The following DPYSL2 variants were observed in gnomAD, a reference collection of about 807,000 sequenced individuals.
DPYSL2 encodes the protein dihydropyrimidinase like 2.
In DPYSL2, 13 loss-of-function variants were observed where a neutral mutation model predicts 69.9. The ratio of observed to expected loss-of-function variants is 0.19; its 90% CI spans 0.12 to 0.30. DPYSL2 has a LOEUF of 0.30. Among genes scored for constraint, DPYSL2 ranks in the 10% least tolerant of loss-of-function variants. The pLI is 1.00. For synonymous variants in DPYSL2, 326 were observed against 359.1 expected (o/e 0.91, Z 1.04); for missense variants, 587 against 918.9 (o/e 0.64, Z 4.67).
At chr8:26,578,994 G>A (rs1801424534) in intron 1 of DPYSL2, among the ~76,000 whole-genome samples, 1 of 152,226 alleles carries the variant, frequency 6.6e-6, no homozygotes, top group South Asian at 2.1e-4. Flanking sequence ...TTCGGGGCTG[G>A]GGCCCTGGCG....
chr8:26,578,245 C>G, intron 1 of DPYSL2: 3 of 1,614,032 alleles, frequency 1.9e-6, no homozygotes, highest in Non-Finnish European at 1.7e-6. Flanking sequence ...AATTTTTTCC[C>G]AGGAGAGAGA....
rs895418875 is a variant in DPYSL2, at chr8:26,580,387, C to T, written c.355-1582C>T. 3.3e-5 allele frequency among the ~76,000 whole-genome samples: 5 copies of T among 152,128 alleles called. No homozygotes were observed. Among genetic ancestry groups the T allele is most frequent in the Non-Finnish European group, 5.9e-5 (4 of 68,018 alleles). The stretch of plus-strand genomic sequence containing the variant: ...CCTCATCTACCTCACAGATTTCTTT[C>T]GAGGCTCTGATGTCATGATGTGCAC... On this transcript the variant is annotated intron_variant, in intron 1 of 13. Coordinates refer to ENST00000521913, the MANE Select transcript of DPYSL2 (RefSeq NM_001197293.3). This position sits in a 1 kb window ranked among gnomAD's most constrained non-coding sequence, Gnocchi z 4.1.
chr8:26,615,053 C>T (rs1563410460), intron 3 of DPYSL2, among the ~76,000 whole-genome samples: 1 of 152,230 alleles, frequency 6.6e-6, no homozygotes, highest in Non-Finnish European at 1.5e-5. Context: ...AAGAGCCTTA[C>T]CTGCCAGAGG....
Position 26,653,994 on chromosome 8 carries a change from A to G in DPYSL2, c.1942+597A>G, listed in dbSNP as rs1400508459. ...GACATTTGTTCAATTTATTAGGTCC[A>G]TCATAAGAAAGGACACTGTGGTATT... On this transcript the variant is annotated intron_variant, in intron 13 of 13. Transcript: ENST00000521913. The surrounding 1 kb of genome is among the most constrained non-coding windows in gnomAD (Gnocchi z 5.7). 6.6e-6 allele frequency among the ~76,000 whole-genome samples: 1 copy of G among 152,238 alleles called. No individual in the cohort carries two copies. Among genetic ancestry groups the G allele is most frequent in the Non-Finnish European group, 1.5e-5 (1 of 68,050 alleles).
rs186203661 is a variant in DPYSL2, at chr8:26,584,987, T to A, written c.628+1004T>A. Reference sequence around the variant, plus strand: ...CACTGTGACACAGCACACATAATATTAAGAGTTTGCTTGTGAACTGCTAGA... The same window carrying A: ...CACTGTGACACAGCACACATAATATAAAGAGTTTGCTTGTGAACTGCTAGA... On this transcript the variant is annotated intron_variant, in intron 3 of 13. Coordinates refer to ENST00000521913, the MANE Select transcript of DPYSL2 (RefSeq NM_001197293.3). 5.9e-4 allele frequency among the ~76,000 whole-genome samples: 90 copies of A among 152,254 alleles called. 1 individual carries two copies. Among genetic ancestry groups the A allele is most frequent in the African/African-American group, 2.1e-3 (88 of 41,552 alleles).
chr8:26,573,666 CAAAA>C (rs11437407), intron 1 of DPYSL2, among the ~76,000 whole-genome samples: 5 of 95,126 alleles, frequency 5.3e-5, no homozygotes, highest in African/African-American at 8.7e-5. Flanking sequence ...AAGACTGTCT[CAAAA>C]AAAAAAAAAA....
At chr8:26,600,870 T>G (rs1365619959) in intron 3 of DPYSL2, among the ~76,000 whole-genome samples, 4 of 152,220 alleles carry the variant, frequency 2.6e-5, no homozygotes, top group Admixed American at 2.0e-4. Context: ...TAAATCCTGT[T>G]TTGCTCCCTT....
In DPYSL2 at chr8:26,627,727, C is replaced by G. The variant is rs566412710; in HGVS notation, c.937-145C>G. On this transcript the variant is annotated intron_variant, in intron 6 of 13. Coordinates refer to ENST00000521913, the MANE Select transcript of DPYSL2 (RefSeq NM_001197293.3). This position sits in a 1 kb window ranked among gnomAD's most constrained non-coding sequence, Gnocchi z 6.9. ...TGGGAACAGGGCAGTGAACCCTTCT[C>G]TTCATGAGGTCTTGGGATGAGGGCA... 2.5e-4 allele frequency: 196 copies of G among 788,264 alleles called. 1 individual carries two copies. The highest frequency in any genetic ancestry group is 2.0e-3 in the African/African-American group (117 of 58,944). The allele number at this position is 788,264 out of a possible 1,614,324, so 48.8% of individuals were successfully genotyped here.
At chr8:26,622,045 C>T (rs1802492225) in intron 3 of DPYSL2, among the ~76,000 whole-genome samples, 1 of 152,084 alleles carries the variant, frequency 6.6e-6, no homozygotes, top group Non-Finnish European at 1.5e-5. Context: ...CTGATTGCTA[C>T]ACAGTGATAT....
Position 26,532,715 on chromosome 8 carries a change from G to A in DPYSL2, c.354+18036G>A, listed in dbSNP as rs75156351. Among the ~76,000 whole-genome samples, 824 of 152,140 alleles carry A rather than the reference G, an allele frequency of 5.4e-3. 5 individuals carry two copies. Among genetic ancestry groups the A allele is most frequent in the African/African-American group, 0.019 (769 of 41,488 alleles). ...ATGTATCAGTACTTTGTTCCTTTTC[G>A]TGGTGAATGAAATTCCATTGTATGG... On this transcript the variant is annotated intron_variant, in intron 1 of 13. Transcript: ENST00000521913.
intron 1 of DPYSL2, among the ~76,000 whole-genome samples, chr8:26,519,834 A>G (rs1178468911): frequency 6.6e-6 from 1 of 151,758 alleles, no homozygotes; most frequent in East Asian, 1.9e-4. Context: ...GGTGTAGGTC[A>G]TGTGCTAAAT....
chr8:26,585,558 C>T lies in DPYSL2; in HGVS notation c.628+1575C>T, dbSNP rs900032439. Among the ~76,000 whole-genome samples the T allele has an allele frequency of 1.3e-5, 2 of 151,962 alleles. No homozygotes were observed. Among genetic ancestry groups the T allele is most frequent in the Admixed American group, 6.6e-5 (1 of 15,254 alleles). ...AGTGGGTGCCATTTTCCAGGGATGT[C>T]GGGGGGAGATTTCATGCACACCTAG... On this transcript the variant is annotated intron_variant, in intron 3 of 13. Transcript: ENST00000521913. This position sits in a 1 kb window ranked among gnomAD's most constrained non-coding sequence, Gnocchi z 4.0.
Position 26,653,174 on chromosome 8 carries a change from C to G in DPYSL2, c.1777-58C>G. ...GCCCATCCTCCCTCCAGGAGGGTTT[C>G]TAGAGAGGTATCCTCTGTGGCTGTG... On this transcript the variant is annotated intron_variant, in intron 12 of 13. Coordinates refer to ENST00000521913, the MANE Select transcript of DPYSL2 (RefSeq NM_001197293.3). The surrounding 1 kb of genome is among the most constrained non-coding windows in gnomAD (Gnocchi z 5.7). 6.3e-7 allele frequency: 1 copy of G among 1,577,906 alleles called. No homozygotes were observed. The highest frequency in any genetic ancestry group is 8.6e-7 in the Non-Finnish European group (1 of 1,159,172).
rs773229340 is a variant in DPYSL2 at position 26,514,716 on chromosome 8, G to A, written c.354+37G>A. 16 of 1,341,626 alleles carry A rather than the reference G, an allele frequency of 1.2e-5. 1 individual carries two copies. In the South Asian group the frequency reaches 2.2e-4, roughly 18 times the overall value. 83.1% of individuals were successfully genotyped at this position (1,341,626 alleles called of 1,614,324 possible). ...GGTTGGGGGTGGAGACGGAGGACGG[G>A]GCGCGGGGATCGCCCCTCCCTCGCC... is the stretch of plus-strand genomic sequence containing the variant. On this transcript the variant is annotated intron_variant, in intron 1 of 13. Coordinates refer to ENST00000521913, the MANE Select transcript of DPYSL2 (RefSeq NM_001197293.3). This position sits in a 1 kb window ranked among gnomAD's most constrained non-coding sequence, Gnocchi z 8.4.
chr8:26,544,077 A>G (rs1423713473), intron 1 of DPYSL2, among the ~76,000 whole-genome samples: 6 of 152,264 alleles, frequency 3.9e-5, no homozygotes, highest in Admixed American at 2.0e-4. Flanking sequence ...AGTCTTTTCT[A>G]TGAATTTTAA....
intron 1 of DPYSL2, among the ~76,000 whole-genome samples, chr8:26,569,267 T>C (rs1320030553): frequency 6.7e-6 from 1 of 148,974 alleles, no homozygotes; most frequent in Non-Finnish European, 1.5e-5. Context: ...CTGAGGCAGA[T>C]CGCTTGAGCC....
rs1802443052 is a variant in DPYSL2 at position 26,619,920 on chromosome 8, C to T, written c.629-4223C>T. ...GCACCCTGAAGTCTGAGGAGTCTAG[C>T]ACCAGATGATCTGACGACACATCAT... On this transcript the variant is annotated intron_variant, in intron 3 of 13. Transcript: ENST00000521913. This position sits in a 1 kb window ranked among gnomAD's most constrained non-coding sequence, Gnocchi z 4.8. The T allele has an allele frequency of 1.3e-5, 2 of 152,318 alleles. 1 individual carries two copies. 9.4% of individuals were successfully genotyped at this position (152,318 alleles called of 1,614,324 possible).
intron 3 of DPYSL2, among the ~76,000 whole-genome samples, chr8:26,602,539 A>T (rs1563405170): frequency 6.6e-6 from 1 of 152,210 alleles, no homozygotes; most frequent in Non-Finnish European, 1.5e-5. Context: ...GCATGTGGTC[A>T]CCTTCATGGC....
chr8:26,528,401 C>T (rs554500315), intron 1 of DPYSL2, among the ~76,000 whole-genome samples: 2 of 152,220 alleles, frequency 1.3e-5, no homozygotes, highest in South Asian at 4.1e-4. Context: ...ATAATCCCAG[C>T]ACTTTTGGAG....
Sources: gnomAD v4.1 joint callset for allele counts (sites outside exome capture counted in the v4.1 genomes callset) on GRCh38, gnomAD v4.1.1 for gene constraint, Gnocchi (gnomAD v3.1) non-coding constraint, MANE v1.5 for transcripts, NCBI Gene and HGNC (gene_info 2026-07-23, HGNC 2026-07-21) for gene names.